DLGAP2: variants seen among roughly 807,000 people sequenced by gnomAD.
DLGAP2 encodes the protein DLG associated protein 2.
DLGAP2 carries 26 observed loss-of-function variants against 100.3 expected under a neutral mutation model. That is an observed-to-expected ratio of 0.26 (90% confidence interval 0.19 to 0.36). The LOEUF (loss-of-function observed/expected upper bound fraction) is 0.36, where lower values mean the gene tolerates loss of function less well. Ranked by LOEUF, DLGAP2 falls within the 10% of genes least tolerant of loss-of-function variation. The pLI, the probability that DLGAP2 is intolerant of heterozygous loss-of-function variation, is 1.00. For synonymous variants in DLGAP2, 886 were observed against 630.1 expected (o/e 1.41, Z -6.08); for missense variants, 1,858 against 1,453.2 (o/e 1.28, Z -4.53).
At chr8:1,613,806 G>T (rs1010378202) in intron 6 of DLGAP2, among the ~76,000 whole-genome samples, 1 of 152,176 alleles carries the variant, frequency 6.6e-6, no homozygotes, top group African/African-American at 2.4e-5. Context: ...TGCATGTTCA[G>T]TTCACTCACA....
intron 4 of DLGAP2, among the ~76,000 whole-genome samples, 169 bp from the exon 5 acceptor site, chr8:1,548,457 A>G (rs1370904903): frequency 1.7e-5 from 2 of 120,706 alleles, no homozygotes; most frequent in Non-Finnish European, 3.4e-5. Flanking sequence ...AGACTGTCTC[A>G]GAAAAAAAAA....
At chr8:1,030,292 G>A (rs1371718994) in intron 2 of DLGAP2, among the ~76,000 whole-genome samples, 1 of 152,116 alleles carries the variant, frequency 6.6e-6, no homozygotes, top group African/African-American at 2.4e-5. Context: ...CAAGACTCTT[G>A]GGTCCCATTG....
chr8:1,178,059 T>C (rs7825436), intron 2 of DLGAP2, among the ~76,000 whole-genome samples: 34,396 of 152,084 alleles, frequency 0.23, 4,077 homozygotes, highest in Middle Eastern at 0.36. Context: ...GCCTCTCAGC[T>C]CATGGGACAC....
intron 6 of DLGAP2, among the ~76,000 whole-genome samples, chr8:1,608,832 G>C (rs918045266): frequency 1.3e-5 from 2 of 150,440 alleles, no homozygotes; most frequent in African/African-American, 4.9e-5. Context: ...AGAAGGGAAG[G>C]TTAGAGAAAA....
chr8:1,683,381 G>T (rs1171373844), intron 12 of DLGAP2, among the ~76,000 whole-genome samples: 1 of 151,518 alleles, frequency 6.6e-6, no homozygotes, highest in Non-Finnish European at 1.5e-5. Flanking sequence ...TCTGGAGGAA[G>T]ATCTTCATGT....
chr8:1,178,099 A>G (rs183494752), intron 2 of DLGAP2, among the ~76,000 whole-genome samples: 98 of 152,306 alleles, frequency 6.4e-4, no homozygotes, highest in Admixed American at 1.8e-3. Context: ...TGGTGGTGTC[A>G]GAGTCATTAC....
intron 3 of DLGAP2, among the ~76,000 whole-genome samples, chr8:1,282,845 G>C (rs7830897): frequency 2.6e-4 from 13 of 49,808 alleles, no homozygotes; most frequent in Non-Finnish European, 3.1e-4. Context: ...AGCACGTGAA[G>C]CATCCGGACG....
intron 4 of DLGAP2, among the ~76,000 whole-genome samples, chr8:1,534,084 A>G (rs1801075114): frequency 6.6e-6 from 1 of 152,258 alleles, no homozygotes; most frequent in Admixed American, 6.5e-5. Context: ...GGAAATTGTC[A>G]GCAGGTTATA....
chr8:1,024,664 A>G (rs1801739234), intron 2 of DLGAP2, among the ~76,000 whole-genome samples: 1 of 152,194 alleles, frequency 6.6e-6, no homozygotes, highest in South Asian at 2.1e-4. Flanking sequence ...AGGAGGCAAC[A>G]GAGGAGGAGT....
intron 2 of DLGAP2, among the ~76,000 whole-genome samples, chr8:971,306 A>G (rs1450058584): frequency 6.6e-6 from 1 of 152,190 alleles, no homozygotes; most frequent in East Asian, 1.9e-4. Flanking sequence ...TCTGACACAT[A>G]AGGGCATTGG....
At chr8:1,037,545 G>A (rs957233085) in intron 2 of DLGAP2, among the ~76,000 whole-genome samples, 1 of 151,974 alleles carries the variant, frequency 6.6e-6, no homozygotes, top group African/African-American at 2.4e-5. Flanking sequence ...TGCATCATCT[G>A]CTGTCCCTCC....
chr8:1,295,026 G>T (rs1404604503), intron 3 of DLGAP2, among the ~76,000 whole-genome samples: 1 of 152,108 alleles, frequency 6.6e-6, no homozygotes, highest in Non-Finnish European at 1.5e-5. Context: ...TTAATAGAAG[G>T]GTGATATCGC....
chr8:1,019,767 C>T (rs1409118112), intron 2 of DLGAP2: 2 of 152,180 alleles, frequency 1.3e-5, no homozygotes, highest in Admixed American at 6.5e-5. Context: ...GCCCTCCCGC[C>T]GACCTAGCAC....
chr8:785,506 C>T (rs1485024136), intron 1 of DLGAP2, among the ~76,000 whole-genome samples: 1 of 147,958 alleles, frequency 6.8e-6, no homozygotes, highest in Non-Finnish European at 1.5e-5. Context: ...TTCCCTCCTC[C>T]CCTCAGGCCT....
At chr8:1,351,932 C>G (rs188810332) in intron 3 of DLGAP2, among the ~76,000 whole-genome samples, 9 of 72,012 alleles carry the variant, frequency 1.2e-4, no homozygotes, top group African/African-American at 2.3e-4. Context: ...CGCGTCCTGA[C>G]TGTGTGTGGA....
At chr8:1,264,461 A>T (rs945918617) in intron 3 of DLGAP2, among the ~76,000 whole-genome samples, 7 of 152,170 alleles carry the variant, frequency 4.6e-5, no homozygotes, top group African/African-American at 1.7e-4. Context: ...CATGGATAGG[A>T]TATAAAGTTA....
chr8:1,087,892 A>C (rs1178239062), intron 2 of DLGAP2, among the ~76,000 whole-genome samples: 2 of 152,134 alleles, frequency 1.3e-5, no homozygotes, highest in Non-Finnish European at 2.9e-5. Flanking sequence ...CCCTGTCTCC[A>C]CATCCATGTC....
intron 2 of DLGAP2, among the ~76,000 whole-genome samples, chr8:1,254,404 A>C (rs4976880): frequency 0.88 from 134,255 of 151,996 alleles, 59,408 homozygotes; most frequent in African/African-American, 0.94. Context: ...CCTGAGTGTC[A>C]TGCCAAGGTC....
At chr8:1,628,312 T>C (rs112933889) in intron 7 of DLGAP2, among the ~76,000 whole-genome samples, 10 of 138,670 alleles carry the variant, frequency 7.2e-5, no homozygotes, top group African/African-American at 2.6e-4. Flanking sequence ...AATTAAGAGC[T>C]TGAGCCGAGC....
Sources: gnomAD v4.1 joint callset for allele counts (sites outside exome capture counted in the v4.1 genomes callset) on GRCh38, gnomAD v4.1.1 for gene constraint, MANE v1.5 for transcripts, NCBI Gene and HGNC (gene_info 2026-07-23, HGNC 2026-07-21) for gene names.